Variants in KAZN observed in about 807,000 individuals in gnomAD.
The protein encoded by KAZN is kazrin, periplakin interacting protein.
A neutral mutation model predicts 87.4 loss-of-function variants in KAZN; 40 were observed. The observed-to-expected ratio is 0.46, with a 90% CI of 0.36 to 0.60. The LOEUF is 0.60. Ranked by LOEUF, KAZN falls within the 20% of genes least tolerant of loss-of-function variation. The probability of loss-of-function intolerance (pLI) is 0.00; values close to 1 mark genes in which losing one functional copy is unlikely to be tolerated. For missense variants in KAZN, 898 were observed against 1,073.9 expected (o/e 0.84, Z 2.29); for synonymous variants, 466 against 458.3 (o/e 1.02, Z -0.22).
chr1:13,932,617 T>C (rs979490535), intron 1 of KAZN, among the ~76,000 whole-genome samples: 1 of 152,164 alleles, frequency 6.6e-6, no homozygotes, highest in Non-Finnish European at 1.5e-5. Flanking sequence ...TAGGCACCAT[T>C]TTCATCCCCA....
rs139922122 is a variant in KAZN at position 14,399,622 on chromosome 1, C to G, written c.250-199361C>G. 1.7e-3 allele frequency among the ~76,000 whole-genome samples: 254 copies of G among 152,194 alleles called. 1 individual carries two copies. The highest frequency in any genetic ancestry group is 5.9e-3 in the African/African-American group (246 of 41,530). On this transcript the variant is annotated intron_variant, in intron 2 of 16. Coordinates refer to the KAZN transcript ENST00000636203. ...GTTTAGTCACGTAACCATCTCAAAA[C>G]TCTCTGTCCTGGGTCACAGCTGGAG...
At chr1:14,025,969 C>T (rs1398517298) in intron 1 of KAZN, among the ~76,000 whole-genome samples, 7 of 152,120 alleles carry the variant, frequency 4.6e-5, no homozygotes, top group African/African-American at 1.7e-4. Flanking sequence ...TCTTTGTTCT[C>T]ACTCTCCCGC....
At chr1:15,019,005 G>A (rs943898383) in intron 2 of KAZN, among the ~76,000 whole-genome samples, 3 of 152,210 alleles carry the variant, frequency 2.0e-5, no homozygotes, top group Admixed American at 6.5e-5. Context: ...CATGGCGGGC[G>A]GGAGGCTGAG....
intron 2 of KAZN, among the ~76,000 whole-genome samples, chr1:14,291,305 A>G (rs1324036293): frequency 6.6e-6 from 1 of 152,092 alleles, no homozygotes; most frequent in Non-Finnish European, 1.5e-5. Context: ...AATCTACAGG[A>G]GCAATAGGCC....
intron 2 of KAZN, among the ~76,000 whole-genome samples, chr1:14,537,575 G>A (rs375276091): frequency 2.6e-5 from 4 of 152,250 alleles, no homozygotes; most frequent in Admixed American, 6.5e-5. Flanking sequence ...TCAGTAGCCT[G>A]AGTGTGGTCA....
At chr1:13,898,846 C>A (rs934846715) in intron 1 of KAZN, among the ~76,000 whole-genome samples, 1 of 152,200 alleles carries the variant, frequency 6.6e-6, no homozygotes, top group Admixed American at 6.5e-5. Flanking sequence ...GCCTTTTAAA[C>A]AATATAGGGG....
intron 1 of KAZN, among the ~76,000 whole-genome samples, chr1:14,167,033 C>A (rs2100236611): frequency 6.6e-6 from 1 of 152,236 alleles, no homozygotes; most frequent in African/African-American, 2.4e-5. Flanking sequence ...TTCTAGGGAT[C>A]AAGGATCAAA....
chr1:14,281,338 A>G (rs1652826394), intron 2 of KAZN, among the ~76,000 whole-genome samples: 1 of 152,222 alleles, frequency 6.6e-6, no homozygotes. Flanking sequence ...CAATTTCAGT[A>G]ATTACTTCTG....
intron 1 of KAZN, among the ~76,000 whole-genome samples, chr1:14,080,890 C>G (rs1213390972): frequency 6.6e-6 from 1 of 152,176 alleles, no homozygotes; most frequent in Admixed American, 6.5e-5. Context: ...CACTAAACAG[C>G]CCTGAAGATA....
At chr1:14,912,197 C>G (rs1165343140) in intron 1 of KAZN, among the ~76,000 whole-genome samples, 1 of 151,536 alleles carries the variant, frequency 6.6e-6, no homozygotes. Context: ...CCAGGGCCAC[C>G]CAGCCAACAG....
At chr1:14,220,841 T>C (rs907517045) in intron 2 of KAZN, among the ~76,000 whole-genome samples, 4 of 152,304 alleles carry the variant, frequency 2.6e-5, no homozygotes, top group African/African-American at 9.6e-5. Context: ...GTTATTTTTT[T>C]CTGCTGAGGA....
chr1:13,950,592 AT>A (rs1557740679), intron 1 of KAZN, among the ~76,000 whole-genome samples: 1 of 152,040 alleles, frequency 6.6e-6, no homozygotes, highest in South Asian at 2.1e-4. Context: ...TCAAATTGGG[AT>A]TTTTAGTAAA....
chr1:15,044,307 G>A (rs1031260797), intron 4 of KAZN, 148 bp downstream of exon 4: 7 of 792,774 alleles, frequency 8.8e-6, no homozygotes, highest in African/African-American at 3.5e-5. Context: ...GGCCCGCCGC[G>A]GGAGGGGGCT....
At chr1:15,103,847 C>T (rs1229633644) in intron 12 of KAZN, among the ~76,000 whole-genome samples, 176 bp from the exon 13 acceptor site, 1 of 151,906 alleles carries the variant, frequency 6.6e-6, no homozygotes, top group East Asian at 1.9e-4. Flanking sequence ...AACAGGAGGT[C>T]CCTGACCTCG....
chr1:13,912,771 T>G (rs12753086), intron 1 of KAZN, among the ~76,000 whole-genome samples: 12,061 of 152,144 alleles, frequency 0.079, 664 homozygotes, highest in Non-Finnish European at 0.12. Flanking sequence ...ACCTGGCTAA[T>G]TTTTTGCAGA....
rs1213641817 is a variant in KAZN, at chr1:15,116,356, A to T, written c.*1721A>T. The T allele has an allele frequency of 6.6e-6, 1 of 152,186 alleles. No homozygotes were observed. The highest frequency in any genetic ancestry group is 1.5e-5 in the Non-Finnish European group (1 of 68,028). The allele number at this position is 152,186 out of a possible 1,614,324, so 9.4% of individuals were successfully genotyped here. A position where few individuals can be genotyped will look rare whatever the true frequency, so the allele number is the denominator to read the frequency against. ...GAGAATTACACCTCTCTCATGCCGAAGACCGTGGTGTTCCCCCTAATGACA... is the reference window on the plus strand; with the variant it reads ...GAGAATTACACCTCTCTCATGCCGATGACCGTGGTGTTCCCCCTAATGACA... On this transcript the variant is annotated 3_prime_UTR_variant, in exon 15 of 15. Transcript: ENST00000376030.
At chr1:13,987,480 A>G (rs542905827) in intron 1 of KAZN, among the ~76,000 whole-genome samples, 8 of 152,202 alleles carry the variant, frequency 5.3e-5, no homozygotes, top group Non-Finnish European at 1.0e-4. Context: ...TTGCAATGTC[A>G]TAGTCATAAG....
In KAZN at chr1:14,118,087, A is replaced by G. The variant is rs1434352741; in HGVS notation, c.92-62348A>G. Among the ~76,000 whole-genome samples, 5 of 152,282 alleles carry G rather than the reference A, an allele frequency of 3.3e-5. No individual in the cohort carries two copies. In the South Asian group the frequency reaches 6.2e-4, roughly 19 times the overall value. Reference sequence around the variant, plus strand: ...GGGGCAGCTCTATGGTGGGGTCACCATGGGAAAACCCAGCTTTGGAGGGCA... The same window carrying G: ...GGGGCAGCTCTATGGTGGGGTCACCGTGGGAAAACCCAGCTTTGGAGGGCA... On this transcript the variant is annotated intron_variant, in intron 1 of 16. Coordinates refer to the KAZN transcript ENST00000636203.
chr1:14,458,853 T>C (rs2486765), intron 2 of KAZN, among the ~76,000 whole-genome samples: 4,389 of 152,286 alleles, frequency 0.029, 83 homozygotes, highest in Middle Eastern at 0.065. Flanking sequence ...TTTTTTTCCA[T>C]ATTCAATAAA....
Sources: allele counts gnomAD v4.1 joint callset (sites outside exome capture counted in the v4.1 genomes callset), GRCh38; gene constraint gnomAD v4.1.1; transcripts MANE v1.5; gene names NCBI Gene and HGNC (gene_info 2026-07-23, HGNC 2026-07-21).